Variants in TMTC2 observed in about 807,000 individuals in gnomAD.
TMTC2 encodes the protein protein O-mannosyl-transferase TMTC2.
Under a neutral mutation model 82.4 loss-of-function variants are expected in TMTC2, and 43 were observed. That is an observed-to-expected ratio of 0.52 (90% CI 0.41 to 0.67). The LOEUF (loss-of-function observed/expected upper bound fraction) is 0.67, where lower values mean the gene tolerates loss of function less well. Ranked by LOEUF, TMTC2 falls within the 30% of genes least tolerant of loss-of-function variation. The pLI, the probability that TMTC2 is intolerant of heterozygous loss-of-function variation, is 0.00. For synonymous variants in TMTC2, 408 were observed against 381.9 expected, an observed-to-expected ratio of 1.07 and a Z score of -0.80; for missense variants, 919 against 1,012.4, an observed-to-expected ratio of 0.91 and a Z score of 1.25.
chr12:82,894,813 T>C (rs1193319988), intron 2 of TMTC2, among the ~76,000 whole-genome samples: 1 of 152,128 alleles, frequency 6.6e-6, no homozygotes, highest in Non-Finnish European at 1.5e-5. Context: ...TTTTATTTTT[T>C]ATTTGAGTCG....
intron 3 of TMTC2, among the ~76,000 whole-genome samples, chr12:82,905,951 A>G (rs1335489756): frequency 6.6e-6 from 1 of 152,042 alleles, no homozygotes; most frequent in South Asian, 2.1e-4. Context: ...GTCTCAAAAA[A>G]AAAAAAAAAG....
At chr12:82,816,600 A>G (rs1868747017) in intron 1 of TMTC2, among the ~76,000 whole-genome samples, 1 of 152,080 alleles carries the variant, frequency 6.6e-6, no homozygotes, top group African/African-American at 2.4e-5. Context: ...ATCTTCCCAA[A>G]TGCATATGGA....
chr12:82,757,456 A>T (rs970465838), intron 1 of TMTC2, among the ~76,000 whole-genome samples: 1 of 152,208 alleles, frequency 6.6e-6, no homozygotes, highest in Non-Finnish European at 1.5e-5. Flanking sequence ...AGGGACTGGT[A>T]GATATTTATG....
intron 4 of TMTC2, among the ~76,000 whole-genome samples, chr12:82,948,623 C>T (rs560349988): frequency 1.3e-5 from 2 of 152,286 alleles, no homozygotes; most frequent in South Asian, 2.1e-4. Context: ...TAATTTATTG[C>T]TTTAACAGCA....
At chr12:82,955,923 A>AT (rs918747744) in intron 4 of TMTC2, among the ~76,000 whole-genome samples, 5 of 151,370 alleles carry the variant, frequency 3.3e-5, no homozygotes, top group East Asian at 1.9e-4. Flanking sequence ...GACTGGAAAT[A>AT]TTTTTTTTTC....
intron 1 of TMTC2, among the ~76,000 whole-genome samples, chr12:82,832,440 ATAT>A (rs1238838965): frequency 6.6e-6 from 1 of 152,098 alleles, no homozygotes; most frequent in Non-Finnish European, 1.5e-5. Flanking sequence ...GACTGAATAA[ATAT>A]TATACTATTG....
intron 2 of TMTC2, among the ~76,000 whole-genome samples, chr12:82,866,674 G>A (rs1332173105): frequency 1.3e-5 from 2 of 152,192 alleles, no homozygotes; most frequent in East Asian, 1.9e-4. Context: ...ACTCAAGCCA[G>A]TATTTTCAAT....
intron 3 of TMTC2, among the ~76,000 whole-genome samples, chr12:82,922,559 G>C (rs1397837583): frequency 6.6e-6 from 1 of 150,754 alleles, no homozygotes; most frequent in Non-Finnish European, 1.5e-5. Flanking sequence ...ATCCCTGTAA[G>C]CTTCCTCTAT....
chr12:82,771,222 A>AG (rs1439711392), intron 1 of TMTC2, among the ~76,000 whole-genome samples: 1 of 151,330 alleles, frequency 6.6e-6, no homozygotes, highest in Non-Finnish European at 1.5e-5. Context: ...AAAAAAAAAA[A>AG]AAAGTTGTCG....
intron 1 of TMTC2, among the ~76,000 whole-genome samples, chr12:82,700,664 A>G (rs1389568679): frequency 6.6e-6 from 1 of 152,226 alleles, no homozygotes; most frequent in Non-Finnish European, 1.5e-5. Context: ...TTTGCAGTGT[A>G]TAGTTAATGA....
intron 1 of TMTC2, among the ~76,000 whole-genome samples, chr12:82,797,599 TA>T (rs994586537): frequency 2.6e-5 from 4 of 152,110 alleles, no homozygotes; most frequent in Non-Finnish European, 5.9e-5. Context: ...CAAAAGCGTA[TA>T]AAAAAATCTC....
chr12:82,904,844 G>C (rs1232305909), intron 3 of TMTC2, among the ~76,000 whole-genome samples: 1 of 152,038 alleles, frequency 6.6e-6, no homozygotes, highest in Non-Finnish European at 1.5e-5. Flanking sequence ...TGTAGAATTT[G>C]GCACCATTGA....
chr12:82,746,848 A>G (rs1174986346), intron 1 of TMTC2, among the ~76,000 whole-genome samples: 1 of 152,228 alleles, frequency 6.6e-6, no homozygotes, highest in Non-Finnish European at 1.5e-5. Flanking sequence ...CCAAATGAAA[A>G]GGAATGTGCA....
chr12:82,932,254 G>T (rs938313483), intron 4 of TMTC2, among the ~76,000 whole-genome samples: 13 of 152,094 alleles, frequency 8.5e-5, no homozygotes, highest in Admixed American at 6.6e-5. Context: ...GTTTAACCTC[G>T]TAGGCTTTAA....
intron 3 of TMTC2, among the ~76,000 whole-genome samples, chr12:82,916,920 T>C (rs984076706): frequency 2.6e-5 from 4 of 152,244 alleles, no homozygotes; most frequent in Admixed American, 6.5e-5. Context: ...AATCATGATC[T>C]TTAAATCATA....
intron 3 of TMTC2, among the ~76,000 whole-genome samples, chr12:82,928,597 T>C (rs1372047214): frequency 6.6e-6 from 1 of 152,156 alleles, no homozygotes; most frequent in Non-Finnish European, 1.5e-5. Flanking sequence ...AAAGATGAAA[T>C]GTGGTATGAA....
intron 1 of TMTC2, among the ~76,000 whole-genome samples, chr12:82,742,646 A>G (rs1350586300): frequency 6.6e-6 from 1 of 151,518 alleles, no homozygotes; most frequent in Middle Eastern, 3.2e-3. Flanking sequence ...CAGCCTCCCT[A>G]GTAGCTGGGA....
At chr12:82,917,809 A>G (rs1014112773) in intron 3 of TMTC2, among the ~76,000 whole-genome samples, 30 of 152,080 alleles carry the variant, frequency 2.0e-4, no homozygotes, top group Non-Finnish European at 3.2e-4. Context: ...TCACCGTGTT[A>G]GCCAGGATGG....
At chr12:82,971,470 T>C (rs1324396772) in intron 7 of TMTC2, among the ~76,000 whole-genome samples, 1 of 152,112 alleles carries the variant, frequency 6.6e-6, no homozygotes, top group Non-Finnish European at 1.5e-5. Flanking sequence ...TATAATTGTT[T>C]CTTACTCCTA....
Sources: allele counts gnomAD v4.1 joint callset (sites outside exome capture counted in the v4.1 genomes callset), GRCh38; gene constraint gnomAD v4.1.1; transcripts MANE v1.5; gene names NCBI Gene and HGNC (gene_info 2026-07-23, HGNC 2026-07-21).